The following ZNF804A variants were observed in gnomAD, a reference collection of about 807,000 sequenced individuals.
The protein encoded by ZNF804A is zinc finger protein 804A.
Under a neutral mutation model 16.5 loss-of-function variants are expected in ZNF804A, and 2 were observed. That is an observed-to-expected ratio of 0.12 (90% confidence interval 0.05 to 0.38). The LOEUF (loss-of-function observed/expected upper bound fraction) is 0.38. Ranked by LOEUF, ZNF804A falls within the 10% of genes least tolerant of loss-of-function variation. ZNF804A has a pLI of 0.99. For missense variants in ZNF804A, 1,473 were observed against 1,390.7 expected (o/e 1.06, Z -0.94); for synonymous variants, 534 against 489.6 (o/e 1.09, Z -1.20).
chr2:184,925,472 G>A (rs1685595075), intron 2 of ZNF804A, among the ~76,000 whole-genome samples: 1 of 150,944 alleles, frequency 6.6e-6, no homozygotes. Flanking sequence ...TTGGATCTCG[G>A]GTTTTTTTAA....
At chr2:184,711,933 T>C (rs1457519371) in intron 1 of ZNF804A, among the ~76,000 whole-genome samples, 1 of 151,748 alleles carries the variant, frequency 6.6e-6, no homozygotes, top group Admixed American at 6.6e-5. Context: ...GTTTTGTTGT[T>C]CTTAAGATTG....
intron 1 of ZNF804A, among the ~76,000 whole-genome samples, chr2:184,651,742 A>G (rs1405880096): frequency 6.6e-6 from 1 of 152,146 alleles, no homozygotes; most frequent in African/African-American, 2.4e-5. Context: ...ACAATGAGAT[A>G]CCATCTCACA....
chr2:184,882,948 A>G (rs944081223), intron 2 of ZNF804A, among the ~76,000 whole-genome samples: 2 of 152,250 alleles, frequency 1.3e-5, no homozygotes, highest in East Asian at 3.9e-4. Flanking sequence ...AGCTGGATTG[A>G]AAGAAATTGA....
intron 1 of ZNF804A, among the ~76,000 whole-genome samples, chr2:184,629,048 T>C (rs1320358757): frequency 6.6e-6 from 1 of 152,178 alleles, no homozygotes; most frequent in Non-Finnish European, 1.5e-5. Flanking sequence ...GTTTCCCTAA[T>C]TTGTGAAAAG....
intron 1 of ZNF804A, among the ~76,000 whole-genome samples, chr2:184,754,163 C>T (rs1693919162): frequency 6.6e-6 from 1 of 151,660 alleles, no homozygotes; most frequent in African/African-American, 2.4e-5. Context: ...AGGATATGTC[C>T]ACAGCTTACC....
chr2:184,734,729 A>G (rs1430166770), intron 1 of ZNF804A, among the ~76,000 whole-genome samples: 1 of 152,130 alleles, frequency 6.6e-6, no homozygotes, highest in Non-Finnish European at 1.5e-5. Context: ...TGACTTTTTG[A>G]CTGCTCATTC....
chr2:184,844,349 C>G (rs932632563), intron 1 of ZNF804A, among the ~76,000 whole-genome samples: 2 of 152,094 alleles, frequency 1.3e-5, no homozygotes, highest in East Asian at 3.9e-4. Context: ...TACAACACTT[C>G]TTACATCATT....
At chr2:184,798,006 A>ATGTGTGTGTGTGTG (rs58199746) in intron 1 of ZNF804A, among the ~76,000 whole-genome samples, 34 of 133,254 alleles carry the variant, frequency 2.6e-4, no homozygotes, top group African/African-American at 3.1e-4. Flanking sequence ...TGGCTGATAT[A>ATGTGTGTGTGTGTG]TGTGTGTGTG....
intron 1 of ZNF804A, among the ~76,000 whole-genome samples, chr2:184,777,650 C>G (rs1197520193): frequency 1.3e-5 from 2 of 151,474 alleles, no homozygotes; most frequent in East Asian, 1.9e-4. Flanking sequence ...TAAATAAGCT[C>G]CATATATCTG....
At chr2:184,877,998 A>G (rs1202171483) in intron 2 of ZNF804A, among the ~76,000 whole-genome samples, 1 of 152,112 alleles carries the variant, frequency 6.6e-6, no homozygotes, top group Non-Finnish European at 1.5e-5. Context: ...AGATACAAAG[A>G]AAGTAGGGAT....
At chr2:184,612,649 G>A (rs1012011054) in intron 1 of ZNF804A, among the ~76,000 whole-genome samples, 3 of 152,070 alleles carry the variant, frequency 2.0e-5, no homozygotes, top group African/African-American at 7.2e-5. Flanking sequence ...TGGTCAGGCT[G>A]ATCTTGAACT....
At chr2:184,705,821 A>T (rs1009538295) in intron 1 of ZNF804A, among the ~76,000 whole-genome samples, 3 of 152,180 alleles carry the variant, frequency 2.0e-5, no homozygotes, top group African/African-American at 4.8e-5. Flanking sequence ...TTTGGGGCTT[A>T]AAACACAAAA....
At chr2:184,862,059 G>A (rs958588467) in intron 1 of ZNF804A, among the ~76,000 whole-genome samples, 4 of 152,156 alleles carry the variant, frequency 2.6e-5, no homozygotes, top group Non-Finnish European at 4.4e-5. Context: ...CAGTGACACA[G>A]TACAGAAACT....
At chr2:184,921,988 T>C (rs1685535225) in intron 2 of ZNF804A, among the ~76,000 whole-genome samples, 1 of 152,156 alleles carries the variant, frequency 6.6e-6, no homozygotes, top group Admixed American at 6.6e-5. Context: ...TATGTGTTTA[T>C]GTACCATATT....
At chr2:184,912,228 G>A (rs1386773408) in intron 2 of ZNF804A, among the ~76,000 whole-genome samples, 1 of 151,986 alleles carries the variant, frequency 6.6e-6, no homozygotes, top group African/African-American at 2.4e-5. Context: ...AATATTGCAT[G>A]TAAATTGAAT....
At chr2:184,622,268 A>G (rs1390582553) in intron 1 of ZNF804A, among the ~76,000 whole-genome samples, 1 of 151,848 alleles carries the variant, frequency 6.6e-6, no homozygotes, top group African/African-American at 2.4e-5. Flanking sequence ...ATATTGTGTC[A>G]TGAAATAGGA....
intron 1 of ZNF804A, 38 bp from the exon 2 acceptor site, chr2:184,866,331 G>C (rs1695876378): frequency 1.2e-6 from 2 of 1,605,056 alleles, no homozygotes; most frequent in African/African-American, 1.3e-5. Context: ...ACACAGGGGA[G>C]AGCTAATTGT....
chr2:184,747,473 G>C (rs1479870712), intron 1 of ZNF804A, among the ~76,000 whole-genome samples: 1 of 150,342 alleles, frequency 6.7e-6, no homozygotes, highest in African/African-American at 2.4e-5. Flanking sequence ...GTTATGTTTA[G>C]AGTATGTTTT....
intron 1 of ZNF804A, among the ~76,000 whole-genome samples, chr2:184,655,567 A>G: frequency 6.6e-6 from 1 of 152,184 alleles, no homozygotes; most frequent in East Asian, 1.9e-4. Flanking sequence ...TCCTTTTTGG[A>G]TGAAAGTGTC....
Sources: gnomAD v4.1 joint callset for allele counts (sites outside exome capture counted in the v4.1 genomes callset) on GRCh38, gnomAD v4.1.1 for gene constraint, MANE v1.5 for transcripts, NCBI Gene and HGNC (gene_info 2026-07-23, HGNC 2026-07-21) for gene names.